PLPPR1: variants seen among roughly 807,000 people sequenced by gnomAD.
PLPPR1 encodes the protein phospholipid phosphatase-related protein type 1.
PLPPR1 carries 10 observed loss-of-function variants against 33.1 expected under a neutral mutation model. The ratio of observed to expected loss-of-function variants is 0.30; its 90% CI spans 0.19 to 0.51. PLPPR1 has a LOEUF of 0.51. Ranked by LOEUF, PLPPR1 falls within the 20% of genes least tolerant of loss-of-function variation. The probability of loss-of-function intolerance (pLI) is 0.97; values close to 1 mark genes in which losing one functional copy is unlikely to be tolerated. For missense variants in PLPPR1, 304 were observed against 408.1 expected (o/e 0.74, Z 2.20); for synonymous variants, 151 against 151.0 (o/e 1.00, Z 0.00).
chr9:101,078,186 AGG>A (rs1830570320), intron 1 of PLPPR1, among the ~76,000 whole-genome samples: 1 of 7,470 alleles, frequency 1.3e-4, no homozygotes, highest in African/African-American at 6.5e-4. Flanking sequence ...GAAGAAGAAG[AGG>A]AGGGGGGGAG....
At chr9:101,198,698 C>T (rs540328871) in intron 2 of PLPPR1, among the ~76,000 whole-genome samples, 2 of 152,156 alleles carry the variant, frequency 1.3e-5, no homozygotes, top group East Asian at 3.9e-4. Context: ...TAGACCAATA[C>T]CTGAAGACGG....
chr9:101,061,943 A>C (rs1830352770), intron 1 of PLPPR1, among the ~76,000 whole-genome samples: 1 of 152,060 alleles, frequency 6.6e-6, no homozygotes, highest in South Asian at 2.1e-4. Flanking sequence ...TAGAATCTTC[A>C]GGAGAGATAA....
chr9:101,033,314 G>A (rs1829968247), intron 1 of PLPPR1, among the ~76,000 whole-genome samples: 1 of 152,192 alleles, frequency 6.6e-6, no homozygotes, highest in South Asian at 2.1e-4. Context: ...GATTGATGGT[G>A]ACAGAGGGAT....
intron 1 of PLPPR1, among the ~76,000 whole-genome samples, chr9:101,166,600 A>G (rs1468011629): frequency 6.6e-6 from 1 of 152,232 alleles, no homozygotes; most frequent in Non-Finnish European, 1.5e-5. Flanking sequence ...AGCAGTTTGC[A>G]GTATTAAAAA....
chr9:101,267,370 A>G (rs1828017095), intron 2 of PLPPR1, among the ~76,000 whole-genome samples: 1 of 152,202 alleles, frequency 6.6e-6, no homozygotes, highest in African/African-American at 2.4e-5. Context: ...CTCTGTTGCT[A>G]TAAGGAAAAT....
chr9:101,070,794 C>A (rs1830473824), intron 1 of PLPPR1, among the ~76,000 whole-genome samples: 1 of 152,104 alleles, frequency 6.6e-6, no homozygotes, highest in South Asian at 2.1e-4. Flanking sequence ...CACATCCCCA[C>A]CCTAGAATGT....
At chr9:101,125,737 G>T in intron 1 of PLPPR1, 1 of 813,510 alleles carries the variant, frequency 1.2e-6, no homozygotes, top group Non-Finnish European at 1.9e-6. Context: ...CAATGAATTT[G>T]TGGTTATAAT....
intron 1 of PLPPR1, among the ~76,000 whole-genome samples, chr9:101,140,267 A>G (rs960539731): frequency 6.6e-6 from 1 of 152,138 alleles, no homozygotes; most frequent in South Asian, 2.1e-4. Context: ...ATAAGTAGAG[A>G]AAGTGGATTG....
chr9:101,223,529 T>C (rs1826997564), intron 2 of PLPPR1, among the ~76,000 whole-genome samples: 1 of 152,138 alleles, frequency 6.6e-6, no homozygotes, highest in African/African-American at 2.4e-5. Context: ...TCATCTTGAA[T>C]TGTAATCCCC....
intron 1 of PLPPR1, among the ~76,000 whole-genome samples, chr9:101,155,084 C>T (rs995532388): frequency 6.7e-5 from 10 of 149,572 alleles, no homozygotes; most frequent in African/African-American, 2.5e-4. Flanking sequence ...ATGTTGTGCA[C>T]ATGTACACTA....
In PLPPR1 at chr9:101,296,128, A is replaced by G. The variant is rs1156878092; in HGVS notation, c.385+9892A>G. Among the ~76,000 whole-genome samples the G allele has an allele frequency of 3.6e-4, 55 of 152,346 alleles. 1 individual carries two copies. The South Asian group carries it at 0.011, about 31-fold the overall frequency. On this transcript the variant is annotated intron_variant, in intron 4 of 7. Transcript: ENST00000374874. ...CAAGAAAAAAACAACCCCATCAAAA[A>G]GTAGGCGAAGGACATGAACAGACAC...
At chr9:101,259,580 T>C (rs78683052) in intron 2 of PLPPR1, among the ~76,000 whole-genome samples, 2,675 of 152,236 alleles carry the variant, frequency 0.018, 31 homozygotes, top group Middle Eastern at 0.082. Context: ...CCCATACATC[T>C]AAGACAGGTC....
intron 2 of PLPPR1, among the ~76,000 whole-genome samples, chr9:101,220,156 T>C (rs1294035680): frequency 6.6e-6 from 1 of 152,168 alleles, no homozygotes; most frequent in Non-Finnish European, 1.5e-5. Context: ...CTAAATGCCT[T>C]GAGTTGTAAC....
chr9:101,243,941 C>T (rs761390377), intron 2 of PLPPR1, among the ~76,000 whole-genome samples: 1 of 151,618 alleles, frequency 6.6e-6, no homozygotes, highest in Non-Finnish European at 1.5e-5. Flanking sequence ...GATGGTAGAA[C>T]CCTGGAAAAC....
intron 2 of PLPPR1, among the ~76,000 whole-genome samples, chr9:101,260,172 C>A (rs1021857554): frequency 6.6e-6 from 1 of 151,966 alleles, no homozygotes; most frequent in East Asian, 1.9e-4. Flanking sequence ...AGACTGGGAC[C>A]CCACCTCCAA....
chr9:101,298,451 T>A (rs1224563309), intron 4 of PLPPR1, among the ~76,000 whole-genome samples: 2 of 152,180 alleles, frequency 1.3e-5, no homozygotes, highest in Admixed American at 1.3e-4. Context: ...TCAAAGGTCA[T>A]GGCGTTTTAT....
At chr9:101,289,701 T>A (rs932093329) in intron 4 of PLPPR1, among the ~76,000 whole-genome samples, 1 of 152,206 alleles carries the variant, frequency 6.6e-6, no homozygotes, top group African/African-American at 2.4e-5. Flanking sequence ...CTATGTATGA[T>A]ATGACTTGCT....
intron 1 of PLPPR1, among the ~76,000 whole-genome samples, chr9:101,044,629 A>G (rs1034258076): frequency 1.3e-5 from 2 of 152,220 alleles, no homozygotes; most frequent in Non-Finnish European, 2.9e-5. Context: ...CCATCATTTT[A>G]TAGAAAATGA....
At chr9:101,289,506 C>G (rs1285981638) in intron 4 of PLPPR1, among the ~76,000 whole-genome samples, 1 of 152,188 alleles carries the variant, frequency 6.6e-6, no homozygotes, top group African/African-American at 2.4e-5. Flanking sequence ...CAAATCTCAT[C>G]TTGAATTGTA....
Sources: gnomAD v4.1 joint callset for allele counts (sites outside exome capture counted in the v4.1 genomes callset) on GRCh38, gnomAD v4.1.1 for gene constraint, MANE v1.5 for transcripts, NCBI Gene and HGNC (gene_info 2026-07-23, HGNC 2026-07-21) for gene names.